SCYL3: variants seen among roughly 807,000 people sequenced by gnomAD.
The protein encoded by SCYL3 is SCY1 like pseudokinase 3.
Under a neutral mutation model 73.8 loss-of-function variants are expected in SCYL3, and 35 were observed. That is an observed-to-expected ratio of 0.47 (90% confidence interval 0.36 to 0.63). SCYL3 has a LOEUF of 0.63. Among genes scored for constraint, SCYL3 ranks in the 20% least tolerant of loss-of-function variants. The pLI is 0.00. For missense variants in SCYL3, 712 were observed against 798.9 expected (o/e 0.89, Z 1.31); for synonymous variants, 277 against 295.2 (o/e 0.94, Z 0.63).
chr1:169,869,137 G>A (rs17603022), intron 6 of SCYL3, 98 bp from the exon 7 acceptor site: 214,286 of 879,976 alleles, frequency 0.24, 29,057 homozygotes, highest in Middle Eastern at 0.31. Context: ...ACCTGTAAAA[G>A]CCCAAACAAA....
intron 1 of SCYL3, among the ~76,000 whole-genome samples, chr1:169,891,567 G>A (rs1000804999): frequency 6.6e-6 from 1 of 152,194 alleles, no homozygotes; most frequent in East Asian, 1.9e-4. Flanking sequence ...TAGTCTGACC[G>A]TCTCTCTCTC....
rs1324556023 is a variant in SCYL3 at position 169,851,767 on chromosome 1, T to TA, written c.*1945dup. On this transcript the variant is annotated 3_prime_UTR_variant, in exon 13 of 13. Transcript: ENST00000367771. ...AATTATGTGGCCATTTCATATCTAG[T>TA]AGAGTGCTAACATGTTGCTATTTGC... 6.9e-6 allele frequency: 11 copies of TA among 1,591,242 alleles called. No homozygotes were observed. The highest frequency in any genetic ancestry group is 2.7e-5 in the African/African-American group (2 of 74,130).
chr1:169,866,195 T>A (rs149518847), intron 8 of SCYL3, among the ~76,000 whole-genome samples: 1 of 152,362 alleles, frequency 6.6e-6, no homozygotes, highest in Admixed American at 6.5e-5. Context: ...TTGGTGATAA[T>A]CACTAAGGCT....
At chr1:169,853,969 T>C in intron 12 of SCYL3, 197 bp from the exon 13 acceptor site, 1 of 642,184 alleles carries the variant, frequency 1.6e-6, no homozygotes, top group Non-Finnish European at 2.6e-6. Context: ...GAAAATAGCT[T>C]TTCAAAAACC....
intron 11 of SCYL3, among the ~76,000 whole-genome samples, chr1:169,857,209 G>C (rs1276321806): frequency 3.9e-5 from 6 of 152,180 alleles, no homozygotes; most frequent in Non-Finnish European, 7.4e-5. Context: ...GTGTTAATAA[G>C]AATTGATGCA....
At position 169,853,542 on chromosome 1, in the gene SCYL3, A is replaced by G; in HGVS notation, c.*171T>C. 1 of 666,986 alleles carries G rather than the reference A, an allele frequency of 1.5e-6. No individual in the cohort carries two copies. Among genetic ancestry groups the G allele is most frequent in the Non-Finnish European group, 2.6e-6 (1 of 391,304 alleles). The allele number at this position is 666,986 out of a possible 1,614,324, so 41.3% of individuals were successfully genotyped here. ...GCCTCACCACCCAGGGCTTTTAGCC[A>G]GCACTCACAGTCAGTCTCCTACTTC... On this transcript the variant is annotated 3_prime_UTR_variant, in exon 13 of 13. Coordinates refer to ENST00000367771, the MANE Select transcript of SCYL3 (RefSeq NM_020423.7).
chr1:169,863,694 G>A (rs986201091), intron 9 of SCYL3, among the ~76,000 whole-genome samples: 2 of 152,182 alleles, frequency 1.3e-5, no homozygotes, highest in African/African-American at 4.8e-5. Context: ...AAGACCTACT[G>A]AGGAATAGGA....
At position 169,862,677 on chromosome 1, in the gene SCYL3, G is replaced by GA; in HGVS notation, c.1075dup (p.Ser359PhefsTer29). On this transcript the variant is annotated frameshift_variant, in exon 10 of 13. Transcript: ENST00000367771. LOFTEE classifies it high-confidence loss of function. ...GTGCTCCACGTAGGCCTCGATGTGAGACAGCAGCACCATCCGCACATGCTC... is the reference window on the plus strand; with the variant it reads ...GTGCTCCACGTAGGCCTCGATGTGAGAACAGCAGCACCATCCGCACATGCTC... The GA allele has an allele frequency of 6.2e-7, 1 of 1,614,192 alleles. No homozygotes were observed. Among genetic ancestry groups the GA allele is most frequent in the Non-Finnish European group, 8.5e-7 (1 of 1,180,038 alleles).
chr1:169,880,567 G>A (rs1388353871), intron 2 of SCYL3, among the ~76,000 whole-genome samples: 1 of 90,600 alleles, frequency 1.1e-5, no homozygotes, highest in Non-Finnish European at 2.9e-5. Flanking sequence ...AACCTTCAGA[G>A]GAAAAGGCAA....
At chr1:169,856,073 A>C (rs1362713520) in intron 11 of SCYL3, 2 of 864,660 alleles carry the variant, frequency 2.3e-6, no homozygotes, top group Non-Finnish European at 3.5e-6. Context: ...CATATAAAGG[A>C]TAAAATGGAG....
At chr1:169,880,000 A>G (rs115234612) in intron 2 of SCYL3, among the ~76,000 whole-genome samples, 10,010 of 152,058 alleles carry the variant, frequency 0.066, 426 homozygotes, top group Non-Finnish European at 0.1. Flanking sequence ...AGGTTTGGGG[A>G]CTCACACCTG....
chr1:169,855,823 C>A, intron 11 of SCYL3: 1 of 1,613,716 alleles, frequency 6.2e-7, no homozygotes, highest in Non-Finnish European at 8.5e-7. Flanking sequence ...TTGTAGTAAT[C>A]TCGCTGTATG....
Position 169,854,298 on chromosome 1 carries a change from G to C in SCYL3, c.1979C>G (p.Ser660Ter). 6.2e-7 allele frequency: 1 copy of C among 1,607,120 alleles called. No homozygotes were observed. Among genetic ancestry groups the C allele is most frequent in the Non-Finnish European group, 8.5e-7 (1 of 1,177,694 alleles). Residue 660 changes from serine (S) to a stop codon, truncating the protein, a stop_gained, in exon 12 of 13, where the codon TCA becomes TGA. Transcript: ENST00000367771. LOFTEE classifies it high-confidence loss of function. ...DDVSPVMQFS[S>*]KFAAAEITEG... ...AGTAATTTCTGCTGCAGCAAATTTT[G>C]AGGAAAACTGCATCACTGGGGAGAC...
At chr1:169,871,958 G>A in intron 5 of SCYL3, among the ~76,000 whole-genome samples, 1 of 152,196 alleles carries the variant, frequency 6.6e-6, no homozygotes, top group East Asian at 1.9e-4. Context: ...GGAAAACAGA[G>A]CATAAAAGCT....
chr1:169,869,113 G>T (rs1190047889), intron 6 of SCYL3, 74 bp from the exon 7 acceptor site: 3 of 1,260,184 alleles, frequency 2.4e-6, no homozygotes, highest in Admixed American at 1.9e-5. Flanking sequence ...GGAGACTGCC[G>T]AGAGCAAAAA....
intron 1 of SCYL3, among the ~76,000 whole-genome samples, chr1:169,893,076 G>A (rs1662196176): frequency 2.0e-5 from 3 of 152,064 alleles, no homozygotes; most frequent in Admixed American, 2.0e-4. Context: ...AAGTCTTTAT[G>A]GACCAAAATA....
chr1:169,879,567 T>C (rs1023200601), intron 2 of SCYL3, among the ~76,000 whole-genome samples: 2 of 152,218 alleles, frequency 1.3e-5, no homozygotes, highest in African/African-American at 2.4e-5. Flanking sequence ...ATTAGCTGCC[T>C]GCTAAATAAA....
rs145601913 is a variant in SCYL3, at chr1:169,888,802, C to T, written c.39G>A (p.Leu13=). ...SENSALKSYT[L]REPPFTLPSG... ...AGGGTAAGGTAAATGGTGGTTCTCTCAGTGTATAGCTCTTTAAAGCACTGT... is the reference window on the plus strand; with the variant it reads ...AGGGTAAGGTAAATGGTGGTTCTCTTAGTGTATAGCTCTTTAAAGCACTGT... The change falls in exon 2 of 13, where the codon CTG becomes CTA. Residue 13 remains leucine, a synonymous_variant. Coordinates refer to ENST00000367771, the MANE Select transcript of SCYL3 (RefSeq NM_020423.7). 73 of 1,614,036 alleles carry T rather than the reference C, an allele frequency of 4.5e-5. No individual in the cohort carries two copies. The African/African-American group carries it at 9.6e-4, about 21-fold the overall frequency.
chr1:169,863,784 A>G (rs1182961785), intron 9 of SCYL3, among the ~76,000 whole-genome samples: 2 of 152,228 alleles, frequency 1.3e-5, no homozygotes, highest in Non-Finnish European at 2.9e-5. Flanking sequence ...AAACTGTAAC[A>G]ATGCTTTGTT....
Sources: allele counts gnomAD v4.1 joint callset (sites outside exome capture counted in the v4.1 genomes callset), GRCh38; gene constraint gnomAD v4.1.1; transcripts MANE v1.5; gene names NCBI Gene and HGNC (gene_info 2026-07-23, HGNC 2026-07-21).